The following PTPRN2 variants were observed in gnomAD, a reference collection of about 807,000 sequenced individuals.
PTPRN2 encodes protein tyrosine phosphatase receptor type N2.
In PTPRN2, 74 loss-of-function variants were observed where a neutral mutation model predicts 118.8. The ratio of observed to expected loss-of-function variants is 0.62; its 90% CI spans 0.52 to 0.76. The LOEUF (loss-of-function observed/expected upper bound fraction) is 0.76. Ranked by LOEUF, PTPRN2 falls within the 30% of genes least tolerant of loss-of-function variation. The pLI is 0.00. For synonymous variants in PTPRN2, 641 were observed against 608.0 expected (o/e 1.05, Z -0.80); for missense variants, 1,481 against 1,394.4 (o/e 1.06, Z -0.99).
intron 12 of PTPRN2, among the ~76,000 whole-genome samples, chr7:157,717,578 A>G (rs1398132269): frequency 6.6e-6 from 1 of 152,092 alleles, no homozygotes; most frequent in Non-Finnish European, 1.5e-5. Flanking sequence ...AGGTCTATGG[A>G]CTCCTTCATG....
At chr7:158,264,243 C>A (rs1238606815) in intron 3 of PTPRN2, among the ~76,000 whole-genome samples, 1 of 152,168 alleles carries the variant, frequency 6.6e-6, no homozygotes, top group Admixed American at 6.5e-5. Flanking sequence ...AGAAATAAAA[C>A]CATGCAATTC....
chr7:158,070,290 GTGGTGGTGGAGGTGCTCC>G (rs1450348341), intron 11 of PTPRN2, among the ~76,000 whole-genome samples: 38 of 141,014 alleles, frequency 2.7e-4, no homozygotes, highest in South Asian at 1.3e-3. Flanking sequence ...GGAGGTGCTC[GTGGTGGTGGAGGTGCTCC>G]TGGTGGTGGA....
chr7:158,351,158 G>C (rs188072936), intron 2 of PTPRN2, among the ~76,000 whole-genome samples: 1 of 152,138 alleles, frequency 6.6e-6, no homozygotes, highest in Admixed American at 6.5e-5. Flanking sequence ...GGCATCTCTC[G>C]CCACCTCGAG....
At chr7:158,522,775 C>A (rs1375648447) in intron 1 of PTPRN2, among the ~76,000 whole-genome samples, 1 of 152,178 alleles carries the variant, frequency 6.6e-6, no homozygotes, top group Non-Finnish European at 1.5e-5. Flanking sequence ...CTGGTTCTCA[C>A]GTGGACATTG....
intron 12 of PTPRN2, among the ~76,000 whole-genome samples, chr7:157,820,380 A>T (rs1806748411): frequency 6.7e-6 from 1 of 150,052 alleles, no homozygotes; most frequent in Non-Finnish European, 1.5e-5. Context: ...ACCCATATAT[A>T]TGCATATTCA....
At chr7:158,338,759 T>G (rs1806164530) in intron 2 of PTPRN2, among the ~76,000 whole-genome samples, 1 of 18,554 alleles carries the variant, frequency 5.4e-5, no homozygotes, top group Non-Finnish European at 9.3e-5. Flanking sequence ...CAAACGTCAC[T>G]CACACCCACA....
At chr7:158,113,078 G>T (rs1317583258) in intron 9 of PTPRN2, among the ~76,000 whole-genome samples, 1 of 152,084 alleles carries the variant, frequency 6.6e-6, no homozygotes, top group Non-Finnish European at 1.5e-5. Flanking sequence ...GCAATGAGGG[G>T]AACTGGCAAA....
At chr7:158,071,747 C>CCTG (rs750140096) in intron 11 of PTPRN2, among the ~76,000 whole-genome samples, 13 of 74,850 alleles carry the variant, frequency 1.7e-4, no homozygotes, top group African/African-American at 1.0e-3. Context: ...TGGAGGTGCT[C>CCTG]ATGGTGGAGG....
chr7:157,541,336 T>G (rs968317910), intron 22 of PTPRN2, among the ~76,000 whole-genome samples: 7 of 152,142 alleles, frequency 4.6e-5, no homozygotes, highest in South Asian at 2.1e-4. Context: ...CTGAGAAACC[T>G]CCCCTTGTCC....
At chr7:157,960,175 G>A (rs901196161) in intron 11 of PTPRN2, among the ~76,000 whole-genome samples, 1 of 151,200 alleles carries the variant, frequency 6.6e-6, no homozygotes, top group Non-Finnish European at 1.5e-5. Flanking sequence ...CAGGGGCCGG[G>A]GGAGGGGTTG....
chr7:158,500,832 G>A (rs1490796289), intron 1 of PTPRN2, among the ~76,000 whole-genome samples: 1 of 152,250 alleles, frequency 6.6e-6, no homozygotes, highest in African/African-American at 2.4e-5. Context: ...CCCAGTCCCC[G>A]AGTTTCTGAC....
At chr7:158,518,712 C>T (rs1055018316) in intron 1 of PTPRN2, among the ~76,000 whole-genome samples, 12 of 152,106 alleles carry the variant, frequency 7.9e-5, no homozygotes, top group African/African-American at 1.7e-4. Context: ...AGGCCAGGCG[C>T]GGTGGTTCAT....
intron 11 of PTPRN2, among the ~76,000 whole-genome samples, chr7:157,904,315 CAGG>C (rs1035334911): frequency 2.0e-5 from 3 of 152,224 alleles, no homozygotes; most frequent in African/African-American, 7.2e-5. Flanking sequence ...GGTTCCTTCA[CAGG>C]AGGAGTCAGG....
chr7:158,503,893 T>TG (rs1271675667), intron 1 of PTPRN2, among the ~76,000 whole-genome samples: 1 of 150,182 alleles, frequency 6.7e-6, no homozygotes, highest in Non-Finnish European at 1.5e-5. Context: ...CCCAGCTACT[T>TG]GGGGGGCCAA....
In PTPRN2 at chr7:158,038,904, G is replaced by A. The variant is rs569648215; in HGVS notation, c.1723+42394C>T. On this transcript the variant is annotated intron_variant, in intron 11 of 22. Transcript: ENST00000389418. The stretch of plus-strand genomic sequence containing the variant: ...GTTCAAACAAGCAATTCACTAATGA[G>A]GAAATTTGAATGGCTAACAGAGCTA... Among the ~76,000 whole-genome samples the A allele has an allele frequency of 1.6e-4, 25 of 151,586 alleles. 1 individual carries two copies. The South Asian group carries it at 4.8e-3, about 29-fold the overall frequency.
chr7:157,717,287 G>A (rs113600257), intron 12 of PTPRN2, among the ~76,000 whole-genome samples: 14 of 152,338 alleles, frequency 9.2e-5, no homozygotes, highest in African/African-American at 2.9e-4. Context: ...GAGGCATGTC[G>A]GTGACCCAGT....
At chr7:158,373,403 C>G (rs1453375593) in intron 2 of PTPRN2, among the ~76,000 whole-genome samples, 1 of 152,192 alleles carries the variant, frequency 6.6e-6, no homozygotes, top group Admixed American at 6.5e-5. Flanking sequence ...GCTGCATGTT[C>G]TTAAGCACGT....
intron 3 of PTPRN2, among the ~76,000 whole-genome samples, chr7:158,263,042 A>G (rs2150934308): frequency 6.7e-6 from 1 of 148,408 alleles, no homozygotes; most frequent in Admixed American, 6.7e-5. Context: ...TATTCACAAA[A>G]TGCACATATA....
At chr7:157,573,046 A>G (rs1293805264) in intron 19 of PTPRN2, among the ~76,000 whole-genome samples, 1 of 152,204 alleles carries the variant, frequency 6.6e-6, no homozygotes, top group Non-Finnish European at 1.5e-5. Context: ...GAGGTTGGAA[A>G]ACAGACCCAC....
Sources: allele counts gnomAD v4.1 joint callset (sites outside exome capture counted in the v4.1 genomes callset), GRCh38; gene constraint gnomAD v4.1.1; transcripts MANE v1.5; gene names NCBI Gene and HGNC (gene_info 2026-07-23, HGNC 2026-07-21).